The following SHISA6 variants were observed in gnomAD, a reference collection of about 807,000 sequenced individuals.
SHISA6 encodes protein shisa-6.
SHISA6 carries 22 observed loss-of-function variants against 47.9 expected under a neutral mutation model. The ratio of observed to expected loss-of-function variants is 0.46; its 90% confidence interval spans 0.33 to 0.66. SHISA6 has a LOEUF of 0.66. Among genes scored for constraint, SHISA6 ranks in the 30% least tolerant of loss-of-function variants. SHISA6 has a pLI of 0.02. For missense variants in SHISA6, 680 were observed against 764.6 expected (o/e 0.89, Z 1.30); for synonymous variants, 388 against 337.8 (o/e 1.15, Z -1.63).
At chr17:11,391,194 A>T (rs539335125) in intron 3 of SHISA6, among the ~76,000 whole-genome samples, 2 of 151,924 alleles carry the variant, frequency 1.3e-5, no homozygotes, top group Non-Finnish European at 1.5e-5. Context: ...CAGAAAAGTC[A>T]TGGGACCATA....
At chr17:11,508,478 G>C (rs1795711685) in intron 3 of SHISA6, among the ~76,000 whole-genome samples, 1 of 137,522 alleles carries the variant, frequency 7.3e-6, no homozygotes, top group Non-Finnish European at 1.6e-5. Flanking sequence ...CATATCCTGA[G>C]GACCTCTAAA....
chr17:11,432,257 T>C (rs1020283539), intron 3 of SHISA6, among the ~76,000 whole-genome samples: 4 of 152,208 alleles, frequency 2.6e-5, no homozygotes, highest in African/African-American at 9.7e-5. Flanking sequence ...CTGTTGGCCA[T>C]GAGCTTTTCT....
At chr17:11,448,683 G>T (rs1360850122) in intron 3 of SHISA6, among the ~76,000 whole-genome samples, 1 of 152,130 alleles carries the variant, frequency 6.6e-6, no homozygotes, top group African/African-American at 2.4e-5. Context: ...AAAATTAGCC[G>T]GGCGTGGTGG....
At chr17:11,307,373 G>A (rs989025961) in intron 2 of SHISA6, among the ~76,000 whole-genome samples, 4 of 152,018 alleles carry the variant, frequency 2.6e-5, no homozygotes, top group African/African-American at 7.2e-5. Context: ...CATATTGTTC[G>A]CCTGCCTTCA....
At chr17:11,470,462 T>C (rs943812049) in intron 3 of SHISA6, among the ~76,000 whole-genome samples, 5 of 152,112 alleles carry the variant, frequency 3.3e-5, no homozygotes, top group African/African-American at 1.2e-4. Context: ...TTCCCTTGCT[T>C]AGGAAGAACA....
intron 3 of SHISA6, among the ~76,000 whole-genome samples, chr17:11,445,325 C>G (rs1915199619): frequency 6.6e-6 from 1 of 152,130 alleles, no homozygotes; most frequent in Non-Finnish European, 1.5e-5. Context: ...GACATCTGAA[C>G]TGGGGGCAAG....
intron 3 of SHISA6, among the ~76,000 whole-genome samples, chr17:11,548,364 T>C (rs1254952617): frequency 6.6e-6 from 1 of 152,054 alleles, no homozygotes; most frequent in Non-Finnish European, 1.5e-5. Flanking sequence ...TCACTTGGTT[T>C]TACAAAATTA....
intron 3 of SHISA6, among the ~76,000 whole-genome samples, chr17:11,455,790 A>C (rs1457925522): frequency 2.0e-5 from 3 of 152,218 alleles, no homozygotes; most frequent in Non-Finnish European, 4.4e-5. Flanking sequence ...TTGTATCTGC[A>C]GTGGGTGCAC....
chr17:11,287,926 G>A (rs1909378697), intron 2 of SHISA6, among the ~76,000 whole-genome samples: 1 of 151,980 alleles, frequency 6.6e-6, no homozygotes, highest in East Asian at 1.9e-4. Context: ...ATATATAAAA[G>A]TAGAAAGAAT....
At chr17:11,418,996 C>A (rs961088234) in intron 3 of SHISA6, among the ~76,000 whole-genome samples, 1 of 151,456 alleles carries the variant, frequency 6.6e-6, no homozygotes, top group African/African-American at 2.4e-5. Flanking sequence ...GAGAGGCTTC[C>A]AGGAAGGTCA....
intron 3 of SHISA6, among the ~76,000 whole-genome samples, chr17:11,488,834 G>A (rs907987751): frequency 2.6e-5 from 4 of 152,214 alleles, no homozygotes; most frequent in Admixed American, 1.3e-4. Context: ...GGATGTGATA[G>A]TCATATTCAC....
intron 1 of SHISA6, 106 bp downstream of exon 1, chr17:11,242,166 CTCTAG>C: frequency 7.1e-7 from 1 of 1,413,900 alleles, no homozygotes; most frequent in Non-Finnish European, 9.5e-7. Context: ...TCCCCAGGCC[CTCTAG>C]TCATTTCCAC....
At chr17:11,372,592 A>C (rs1255337693) in intron 2 of SHISA6, among the ~76,000 whole-genome samples, 2 of 148,876 alleles carry the variant, frequency 1.3e-5, no homozygotes, top group African/African-American at 5.0e-5. Context: ...GTATATTTTT[A>C]ATGTGTTTTT....
rs1911561215 is a variant in SHISA6, at chr17:11,342,332, G to A, written c.800-37082G>A. Among the ~76,000 whole-genome samples the A allele has an allele frequency of 2.0e-5, 3 of 151,992 alleles. No homozygotes were observed. In the South Asian group the frequency reaches 6.2e-4, roughly 32 times the overall value. On this transcript the variant is annotated intron_variant, in intron 2 of 5. Transcript: ENST00000441885. ...TCCATTACCTAGCAGCAGACAACCT[G>A]AGGGGAGGTGGCAGGCAGAGGGAGG... is the stretch of plus-strand genomic sequence containing the variant.
intron 3 of SHISA6, among the ~76,000 whole-genome samples, chr17:11,398,957 ATTT>A (rs35318288): frequency 0.029 from 4,249 of 146,140 alleles, 196 homozygotes; most frequent in African/African-American, 0.099. Flanking sequence ...TACCTAGGTT[ATTT>A]TTTTTTTTTC....
intron 3 of SHISA6, among the ~76,000 whole-genome samples, chr17:11,411,125 C>T (rs572867694): frequency 3.8e-4 from 58 of 151,736 alleles, no homozygotes; most frequent in African/African-American, 1.2e-3. Context: ...CCTGCCGCCA[C>T]GCCCGGCTAA....
At chr17:11,308,810 T>C (rs1296191105) in intron 2 of SHISA6, among the ~76,000 whole-genome samples, 2 of 152,140 alleles carry the variant, frequency 1.3e-5, no homozygotes, top group Non-Finnish European at 2.9e-5. Context: ...TGCTTTGTTA[T>C]GTAAAGGGAA....
At chr17:11,405,565 A>G (rs1913923503) in intron 3 of SHISA6, among the ~76,000 whole-genome samples, 1 of 152,164 alleles carries the variant, frequency 6.6e-6, no homozygotes, top group African/African-American at 2.4e-5. Context: ...GCACTTTGGG[A>G]GGCCGAGGCG....
chr17:11,380,776 G>T (rs1912981223), intron 3 of SHISA6, among the ~76,000 whole-genome samples: 1 of 152,170 alleles, frequency 6.6e-6, no homozygotes, highest in Admixed American at 6.5e-5. Context: ...CGTCAGGCAG[G>T]GCTGCCTCCT....
Sources: allele counts gnomAD v4.1 joint callset (sites outside exome capture counted in the v4.1 genomes callset), GRCh38; gene constraint gnomAD v4.1.1; transcripts MANE v1.5; gene names NCBI Gene and HGNC (gene_info 2026-07-23, HGNC 2026-07-21).